Variants in DAB1 observed in about 807,000 individuals in gnomAD.
DAB1 encodes the protein disabled homolog 1.
In DAB1, 15 loss-of-function variants were observed where a neutral mutation model predicts 64.6. The ratio of observed to expected loss-of-function variants is 0.23; its 90% CI spans 0.16 to 0.36. DAB1 has a LOEUF of 0.36. Ranked by LOEUF, DAB1 falls within the 10% of genes least tolerant of loss-of-function variation. The probability of loss-of-function intolerance (pLI) is 1.00; values close to 1 mark genes in which losing one functional copy is unlikely to be tolerated. For synonymous variants in DAB1, 235 were observed against 251.9 expected, an observed-to-expected ratio of 0.93 and a Z score of 0.64; for missense variants, 596 against 706.7, an observed-to-expected ratio of 0.84 and a Z score of 1.78.
At chr1:58,423,144 G>A (rs977283347) in intron 3 of DAB1, among the ~76,000 whole-genome samples, 23 of 152,130 alleles carry the variant, frequency 1.5e-4, no homozygotes, top group African/African-American at 4.8e-5. Context: ...CAGCCCCAGA[G>A]CCCTATCTGG....
At chr1:57,802,390 G>C (rs1282925898) in intron 6 of DAB1, among the ~76,000 whole-genome samples, 1 of 151,612 alleles carries the variant, frequency 6.6e-6, no homozygotes, top group Non-Finnish European at 1.5e-5. Flanking sequence ...CACAATTGGG[G>C]TACCAGATTT....
intron 1 of DAB1, among the ~76,000 whole-genome samples, chr1:57,320,824 A>T (rs1189682767): frequency 6.6e-6 from 1 of 152,132 alleles, no homozygotes; most frequent in Admixed American, 6.5e-5. Context: ...TACTATCTCC[A>T]CTTTACACCA....
intron 3 of DAB1, among the ~76,000 whole-genome samples, chr1:58,427,109 G>A (rs949360690): frequency 6.6e-6 from 1 of 152,122 alleles, no homozygotes; most frequent in Non-Finnish European, 1.5e-5. Context: ...GTAGGGTGGA[G>A]TAGAGTGCAG....
chr1:57,347,754 A>G (rs1678235028), intron 1 of DAB1, among the ~76,000 whole-genome samples: 1 of 152,166 alleles, frequency 6.6e-6, no homozygotes, highest in Non-Finnish European at 1.5e-5. Flanking sequence ...CCAAAGGCCT[A>G]TTCTAATTTG....
At chr1:58,051,015 G>A (rs751655397) in intron 5 of DAB1, among the ~76,000 whole-genome samples, 4 of 152,026 alleles carry the variant, frequency 2.6e-5, no homozygotes, top group Admixed American at 6.6e-5. Context: ...TATAAAGGAC[G>A]ACTTGAGTCT....
intron 2 of DAB1, among the ~76,000 whole-genome samples, chr1:57,192,141 A>T (rs1664186423): frequency 6.6e-6 from 1 of 151,744 alleles, no homozygotes; most frequent in South Asian, 2.1e-4. Context: ...ACATGGTAAA[A>T]CTCTGTCTCT....
chr1:57,946,388 T>C (rs946708998), intron 5 of DAB1, among the ~76,000 whole-genome samples: 1 of 152,222 alleles, frequency 6.6e-6, no homozygotes, highest in Non-Finnish European at 1.5e-5. Context: ...TGCTTGTTAT[T>C]CCACAAATTC....
intron 5 of DAB1, among the ~76,000 whole-genome samples, chr1:58,132,486 C>CG (rs1400304280): frequency 1.3e-5 from 2 of 152,110 alleles, no homozygotes; most frequent in African/African-American, 2.4e-5. Flanking sequence ...CTCCTCCCCC[C>CG]GGGGCCAATC....
chr1:57,530,521 G>T (rs1183118590), intron 7 of DAB1, among the ~76,000 whole-genome samples: 1 of 151,992 alleles, frequency 6.6e-6, no homozygotes, highest in Non-Finnish European at 1.5e-5. Flanking sequence ...CTAATATAAT[G>T]GCATTAAATT....
intron 7 of DAB1, among the ~76,000 whole-genome samples, chr1:57,582,140 T>C (rs1428932666): frequency 6.6e-6 from 1 of 152,186 alleles, no homozygotes; most frequent in Non-Finnish European, 1.5e-5. Context: ...ATTCACCTCC[T>C]GTATTAGTCC....
At chr1:57,425,432 C>G (rs1467317159), upstream of DAB1, among the ~76,000 whole-genome samples, 1 of 152,050 alleles carries the variant, frequency 6.6e-6, no homozygotes, top group Admixed American at 6.5e-5. Context: ...CCTCCAGAGT[C>G]AATGGGCTAA....
rs1307337857 is a variant in DAB1 at position 56,994,961 on chromosome 1, G to A, written c.*3183C>T. 2.0e-5 allele frequency: 3 copies of A among 152,164 alleles called. No individual in the cohort carries two copies. The highest frequency in any genetic ancestry group is 2.1e-4 in the South Asian group (1 of 4,832). The allele number at this position is 152,164 out of a possible 1,614,324, so 9.4% of individuals were successfully genotyped here. A position where few individuals can be genotyped will look rare whatever the true frequency, so the allele number is the denominator to read the frequency against. On this transcript the variant is annotated 3_prime_UTR_variant, in exon 15 of 15. Coordinates refer to ENST00000371236, the MANE Select transcript of DAB1 (RefSeq NM_001365792.1). ...GTTAAAGTAGGTCTAGAAAGGTACTGCAACAGTCATTTTCTCTTTCTCATC... is the reference window on the plus strand; with the variant it reads ...GTTAAAGTAGGTCTAGAAAGGTACTACAACAGTCATTTTCTCTTTCTCATC...
At chr1:57,981,730 TC>T (rs1553150106) in intron 5 of DAB1, among the ~76,000 whole-genome samples, 1 of 152,184 alleles carries the variant, frequency 6.6e-6, no homozygotes, top group Non-Finnish European at 1.5e-5. Context: ...ATCTCTGTTG[TC>T]CCCTGACATA....
intron 7 of DAB1, among the ~76,000 whole-genome samples, chr1:57,540,079 T>C (rs1478590786): frequency 6.6e-6 from 1 of 152,236 alleles, no homozygotes; most frequent in East Asian, 1.9e-4. Flanking sequence ...ATTGAATATC[T>C]ACTATGGGCC....
intron 1 of DAB1, among the ~76,000 whole-genome samples, chr1:57,388,204 C>T (rs1682046779): frequency 6.6e-6 from 1 of 152,218 alleles, no homozygotes; most frequent in Non-Finnish European, 1.5e-5. Context: ...CAAGATCATA[C>T]ATCTTTCAAC....
At chr1:57,578,447 A>G (rs1351230375) in intron 7 of DAB1, among the ~76,000 whole-genome samples, 1 of 152,186 alleles carries the variant, frequency 6.6e-6, no homozygotes, top group Non-Finnish European at 1.5e-5. Flanking sequence ...AGATCTAACT[A>G]ATGCTTACTG....
At chr1:57,317,035 T>C (rs1259087154) in intron 1 of DAB1, among the ~76,000 whole-genome samples, 2 of 152,206 alleles carry the variant, frequency 1.3e-5, no homozygotes, top group African/African-American at 4.8e-5. Context: ...GACCCCGACT[T>C]TCATCTTGCT....
chr1:57,870,208 C>A (rs979431368), intron 1 of DAB1, among the ~76,000 whole-genome samples: 1 of 152,086 alleles, frequency 6.6e-6, no homozygotes, highest in Admixed American at 6.5e-5. Context: ...AAATATTAGG[C>A]CCCTCAATAA....
intron 2 of DAB1, among the ~76,000 whole-genome samples, chr1:57,194,765 T>C (rs1664480419): frequency 6.6e-6 from 1 of 152,136 alleles, no homozygotes; most frequent in Admixed American, 6.5e-5. Flanking sequence ...ATGGGAGGCA[T>C]GGAGAAGCAC....
Sources: gnomAD v4.1 joint callset for allele counts (sites outside exome capture counted in the v4.1 genomes callset) on GRCh38, gnomAD v4.1.1 for gene constraint, MANE v1.5 for transcripts, NCBI Gene and HGNC (gene_info 2026-07-23, HGNC 2026-07-21) for gene names.